Variants in ERC2 observed in about 807,000 individuals in gnomAD.
ERC2 encodes the protein ELKS/RAB6-interacting/CAST family member 2, also known as ERC protein 2.
A neutral mutation model predicts 114.8 loss-of-function variants in ERC2; 42 were observed. That is an observed-to-expected ratio of 0.37 (90% CI 0.29 to 0.47). ERC2 has a LOEUF of 0.47. Ranked by LOEUF, ERC2 falls within the 20% of genes least tolerant of loss-of-function variation. ERC2 has a pLI of 0.99. For synonymous variants in ERC2, 454 were observed against 425.5 expected, an observed-to-expected ratio of 1.07 and a Z score of -0.82; for missense variants, 939 against 1,150.7, an observed-to-expected ratio of 0.82 and a Z score of 2.66.
Position 56,296,363 on chromosome 3 carries a change from G to T in ERC2, c.730C>A (p.Gln244Lys), listed in dbSNP as rs751966212. 3 of 1,613,928 alleles carry T rather than the reference G, an allele frequency of 1.9e-6. No homozygotes were observed. Among genetic ancestry groups the T allele is most frequent in the Middle Eastern group, 3.3e-4 (2 of 6,084 alleles). ...TQRDLNHLLQ[Q>K]ESGNRGAEHF... ...TCCGCTCCTCGGTTGCCACTCTCTT[G>T]CTGGAGGAGGTGGTTGAGGTCTCTC... The change falls in exon 3 of 18, where the codon CAA becomes AAA. Residue 244 changes from glutamine to lysine, a missense_variant. By Grantham distance (53) the Gln-to-Lys change is moderately conservative. Coordinates refer to ENST00000288221, the MANE Select transcript of ERC2 (RefSeq NM_015576.3).
chr3:55,774,419 C>T (rs1339331714), intron 14 of ERC2, among the ~76,000 whole-genome samples: 1 of 152,218 alleles, frequency 6.6e-6, no homozygotes, highest in Non-Finnish European at 1.5e-5. Flanking sequence ...CTCAGGGACC[C>T]CCCGACTTCG....
chr3:55,749,803 A>G (rs930971770), intron 14 of ERC2, among the ~76,000 whole-genome samples: 1 of 152,162 alleles, frequency 6.6e-6, no homozygotes, highest in Non-Finnish European at 1.5e-5. Context: ...CACTCTTCAC[A>G]ATAAACCTTG....
intron 3 of ERC2, among the ~76,000 whole-genome samples, chr3:56,206,943 T>C (rs1560373677): frequency 6.6e-6 from 1 of 152,230 alleles, no homozygotes; most frequent in African/African-American, 2.4e-5. Flanking sequence ...CACTGCAATA[T>C]ATAATTTCTC....
chr3:55,583,585 CTT>C (rs1575658844), intron 17 of ERC2, among the ~76,000 whole-genome samples: 6 of 140,796 alleles, frequency 4.3e-5, no homozygotes, highest in East Asian at 2.1e-4. Context: ...TCCTTCCTTC[CTT>C]CCTTCCTAGA....
chr3:55,790,384 T>C (rs4572738), intron 14 of ERC2, among the ~76,000 whole-genome samples: 50,379 of 151,968 alleles, frequency 0.33, 9,948 homozygotes, highest in African/African-American at 0.55. Context: ...TAATCATAGT[T>C]AAGATCTCAT....
chr3:55,960,964 G>A (rs1576368956), intron 12 of ERC2, among the ~76,000 whole-genome samples: 2 of 152,186 alleles, frequency 1.3e-5, no homozygotes, highest in Non-Finnish European at 2.9e-5. Context: ...GCAAAACCCC[G>A]TCTCTATTCA....
intron 3 of ERC2, among the ~76,000 whole-genome samples, chr3:56,220,793 T>C (rs942862172): frequency 1.3e-5 from 2 of 152,216 alleles, no homozygotes; most frequent in Middle Eastern, 3.2e-3. Context: ...AGTTGGGAAG[T>C]ACACATCTGG....
chr3:55,963,968 C>T (rs915970261), intron 12 of ERC2, among the ~76,000 whole-genome samples: 1 of 152,034 alleles, frequency 6.6e-6, no homozygotes, highest in Non-Finnish European at 1.5e-5. Flanking sequence ...TGCAGTGGTC[C>T]AGACATAAAA....
intron 2 of ERC2, among the ~76,000 whole-genome samples, chr3:56,414,889 A>T (rs1381798810): frequency 6.6e-6 from 1 of 152,192 alleles, no homozygotes; most frequent in East Asian, 1.9e-4. Context: ...AATGTTCTTC[A>T]TTTCACCTTT....
intron 14 of ERC2, among the ~76,000 whole-genome samples, chr3:55,787,054 C>T (rs2069563403): frequency 6.6e-6 from 1 of 152,154 alleles, no homozygotes. Flanking sequence ...TTACTATCTG[C>T]ACAATCTTAG....
intron 14 of ERC2, among the ~76,000 whole-genome samples, chr3:55,806,407 G>T (rs760437394): frequency 1.3e-5 from 2 of 151,878 alleles, no homozygotes; most frequent in African/African-American, 2.4e-5. Flanking sequence ...GGGAGCTTGT[G>T]ATCTGGGCTA....
chr3:56,033,182 A>T (rs1286880293), intron 7 of ERC2, among the ~76,000 whole-genome samples: 1 of 152,160 alleles, frequency 6.6e-6, no homozygotes, highest in Non-Finnish European at 1.5e-5. Context: ...ATGTCAGCCC[A>T]AGGGTTCAAG....
At chr3:56,157,139 T>C (rs1354946877) in intron 4 of ERC2, among the ~76,000 whole-genome samples, 1 of 152,180 alleles carries the variant, frequency 6.6e-6, no homozygotes, top group Non-Finnish European at 1.5e-5. Flanking sequence ...CCTCAATAGA[T>C]AGGCCTGCCT....
intron 17 of ERC2, among the ~76,000 whole-genome samples, chr3:55,651,014 ATTTTTT>A (rs71096493): frequency 2.8e-4 from 27 of 96,322 alleles, no homozygotes; most frequent in Admixed American, 6.2e-4. Context: ...CACCCAGCTA[ATTTTTT>A]TTTTTTTTTT....
intron 6 of ERC2, among the ~76,000 whole-genome samples, chr3:56,098,327 A>G (rs1249071801): frequency 6.6e-6 from 1 of 152,140 alleles, no homozygotes; most frequent in Non-Finnish European, 1.5e-5. Context: ...AGTGGTCTCA[A>G]TTTCTACTGT....
intron 5 of ERC2, among the ~76,000 whole-genome samples, chr3:56,144,482 T>C (rs1424138530): frequency 1.3e-5 from 2 of 152,182 alleles, no homozygotes; most frequent in East Asian, 3.9e-4. Flanking sequence ...TCAAAAACTT[T>C]CAACTCTACA....
At chr3:55,537,926 C>T (rs1277114698) in intron 17 of ERC2, among the ~76,000 whole-genome samples, 2 of 152,176 alleles carry the variant, frequency 1.3e-5, no homozygotes, top group Non-Finnish European at 2.9e-5. Context: ...CACTGCATCC[C>T]CTTCCCCCAA....
intron 17 of ERC2, among the ~76,000 whole-genome samples, chr3:55,543,815 A>C (rs1275946384): frequency 6.6e-6 from 1 of 152,108 alleles, no homozygotes; most frequent in Non-Finnish European, 1.5e-5. Flanking sequence ...CCTCGGAACT[A>C]CAGCTTGCAT....
chr3:56,043,471 T>C (rs946142334), intron 7 of ERC2, among the ~76,000 whole-genome samples: 1 of 152,070 alleles, frequency 6.6e-6, no homozygotes, highest in Admixed American at 6.6e-5. Flanking sequence ...TTTATTCAAA[T>C]AGTGTCTGAC....
Sources: allele counts gnomAD v4.1 joint callset (sites outside exome capture counted in the v4.1 genomes callset), GRCh38; gene constraint gnomAD v4.1.1; transcripts MANE v1.5; gene names NCBI Gene and HGNC (gene_info 2026-07-23, HGNC 2026-07-21).